Variants in RORA observed in about 807,000 individuals in gnomAD.
RORA encodes the protein RAR related orphan receptor A.
Under a neutral mutation model 69.5 loss-of-function variants are expected in RORA, and 7 were observed. The ratio of observed to expected loss-of-function variants is 0.10; its 90% confidence interval spans 0.06 to 0.19. The LOEUF is 0.19. RORA is among the 10% of genes least tolerant of loss of function. The pLI is 1.00. For synonymous variants in RORA, 261 were observed against 240.8 expected (o/e 1.08, Z -0.78); for missense variants, 457 against 663.0 (o/e 0.69, Z 3.41).
intron 1 of RORA, among the ~76,000 whole-genome samples, chr15:60,716,000 T>C (rs1312546096): frequency 6.6e-6 from 1 of 152,214 alleles, no homozygotes; most frequent in African/African-American, 2.4e-5. Context: ...TCAGCATCTT[T>C]AATTATCATT....
intron 5 of RORA, among the ~76,000 whole-genome samples, chr15:60,508,868 G>A (rs567916851): frequency 2.0e-5 from 3 of 152,284 alleles, no homozygotes; most frequent in Admixed American, 6.5e-5. Flanking sequence ...AACCTAGGTC[G>A]TTTATCTGGA....
chr15:60,993,077 A>C (rs543178548), intron 1 of RORA, among the ~76,000 whole-genome samples: 1 of 152,294 alleles, frequency 6.6e-6, no homozygotes, highest in South Asian at 2.1e-4. Context: ...TTAACAGTGT[A>C]GGTAATAGCT....
chr15:60,780,382 G>A (rs1595709671), intron 1 of RORA, among the ~76,000 whole-genome samples: 1 of 152,220 alleles, frequency 6.6e-6, no homozygotes, highest in African/African-American at 2.4e-5. Context: ...AGAGAGCCCA[G>A]TGTAGACAGT....
At chr15:60,646,585 C>A (rs943336268) in intron 2 of RORA, among the ~76,000 whole-genome samples, 1 of 152,216 alleles carries the variant, frequency 6.6e-6, no homozygotes, top group Admixed American at 6.5e-5. Flanking sequence ...GACTTCCAAG[C>A]CCCCGAATGG....
chr15:60,794,997 G>A (rs774602202), intron 1 of RORA, among the ~76,000 whole-genome samples: 1 of 152,060 alleles, frequency 6.6e-6, no homozygotes, highest in African/African-American at 2.4e-5. Flanking sequence ...GCTAAAATGC[G>A]ACACCCCTTC....
chr15:60,581,555 G>A (rs979437425), intron 2 of RORA, among the ~76,000 whole-genome samples: 13 of 152,046 alleles, frequency 8.6e-5, no homozygotes, highest in South Asian at 4.1e-4. Flanking sequence ...CAAAATAGGC[G>A]GTATGCAAAT....
At chr15:61,191,781 T>C (rs1717766694) in intron 1 of RORA, among the ~76,000 whole-genome samples, 1 of 152,264 alleles carries the variant, frequency 6.6e-6, no homozygotes, top group Non-Finnish European at 1.5e-5. Flanking sequence ...TGGGCTCATT[T>C]ATGATTCTGT....
intron 2 of RORA, chr15:60,556,721 C>A (rs1286726489): frequency 2.9e-6 from 2 of 701,282 alleles, no homozygotes; most frequent in South Asian, 1.8e-5. Flanking sequence ...CCTGGAAGTT[C>A]ACGGCTTCCC....
At chr15:60,666,166 A>AT (rs142176178) in intron 2 of RORA, among the ~76,000 whole-genome samples, 1,432 of 135,566 alleles carry the variant, frequency 0.011, 21 homozygotes, top group African/African-American at 0.035. Flanking sequence ...TACAAAGATA[A>AT]TTTTTTTTTT....
rs115427719 is a variant in RORA, at chr15:60,618,441, C to T, written c.196+60216G>A. ...GTGTTCAGTATTGCACCCCAGGCAC[C>T]TGGCACACAGCAGTGCCCCAAAAAT... On this transcript the variant is annotated intron_variant, in intron 2 of 10. Transcript: ENST00000335670. 4.7e-3 allele frequency among the ~76,000 whole-genome samples: 722 copies of T among 152,318 alleles called. 4 individuals are homozygous for T. Among genetic ancestry groups the T allele is most frequent in the African/African-American group, 0.017 (691 of 41,570 alleles).
intron 1 of RORA, among the ~76,000 whole-genome samples, chr15:60,974,976 T>A (rs1375592617): frequency 6.6e-6 from 1 of 152,134 alleles, no homozygotes; most frequent in Non-Finnish European, 1.5e-5. Context: ...GGTGAACAAG[T>A]GTGGACCTGA....
chr15:61,080,794 G>A (rs1486034688), intron 1 of RORA, among the ~76,000 whole-genome samples: 1 of 152,144 alleles, frequency 6.6e-6, no homozygotes, highest in Non-Finnish European at 1.5e-5. Flanking sequence ...ACCAACGACT[G>A]GCATAAATAA....
At chr15:61,090,248 A>AT (rs1212840271) in intron 1 of RORA, among the ~76,000 whole-genome samples, 1 of 152,132 alleles carries the variant, frequency 6.6e-6, no homozygotes, top group Non-Finnish European at 1.5e-5. Flanking sequence ...AAGACCTTGT[A>AT]TTTTTTATTC....
chr15:60,842,652 C>T (rs755425715), intron 1 of RORA, among the ~76,000 whole-genome samples: 3 of 152,154 alleles, frequency 2.0e-5, no homozygotes, highest in Non-Finnish European at 4.4e-5. Flanking sequence ...CCCTTCACTG[C>T]CCCTTCTACC....
At chr15:60,972,718 A>C (rs1893754634) in intron 1 of RORA, among the ~76,000 whole-genome samples, 1 of 152,186 alleles carries the variant, frequency 6.6e-6, no homozygotes, top group Non-Finnish European at 1.5e-5. Context: ...TTCTAAGCTC[A>C]GTTTCATCAT....
At chr15:60,644,581 C>G (rs2070004098) in intron 2 of RORA, among the ~76,000 whole-genome samples, 1 of 152,172 alleles carries the variant, frequency 6.6e-6, no homozygotes, top group Admixed American at 6.5e-5. Flanking sequence ...ACATGGTAAA[C>G]TCATGTCCTT....
chr15:60,966,511 A>G (rs1466856236), intron 1 of RORA, among the ~76,000 whole-genome samples: 1 of 152,206 alleles, frequency 6.6e-6, no homozygotes, highest in African/African-American at 2.4e-5. Flanking sequence ...AAGGGACTGT[A>G]CCTTTCTTGG....
At chr15:60,807,714 G>C (rs2072679164) in intron 1 of RORA, among the ~76,000 whole-genome samples, 1 of 152,096 alleles carries the variant, frequency 6.6e-6, no homozygotes. Flanking sequence ...CATGATCTTG[G>C]TATAAAAATA....
intron 1 of RORA, among the ~76,000 whole-genome samples, chr15:60,879,493 ATAAC>A (rs2073655599): frequency 6.6e-6 from 1 of 152,222 alleles, no homozygotes; most frequent in Admixed American, 6.5e-5. Context: ...GGGAAAGCAA[ATAAC>A]TGTCAAAAGT....
Sources: gnomAD v4.1 joint callset for allele counts (sites outside exome capture counted in the v4.1 genomes callset) on GRCh38, gnomAD v4.1.1 for gene constraint, MANE v1.5 for transcripts, NCBI Gene and HGNC (gene_info 2026-07-23, HGNC 2026-07-21) for gene names.